The following FCSK variants were observed in gnomAD, a reference collection of about 807,000 sequenced individuals.
The protein encoded by FCSK is L-fucose kinase.
Under a neutral mutation model 122.5 loss-of-function variants are expected in FCSK, and 123 were observed. That is an observed-to-expected ratio of 1.00 (90% CI 0.87 to 1.17). The LOEUF (loss-of-function observed/expected upper bound fraction) is 1.17, where lower values mean the gene tolerates loss of function less well. Ranked by LOEUF, FCSK falls within the 50% of genes most tolerant of loss-of-function variation. The probability of loss-of-function intolerance (pLI) is 0.00; values close to 1 mark genes in which losing one functional copy is unlikely to be tolerated. For missense variants in FCSK, 1,366 were observed against 1,450.4 expected (o/e 0.94, Z 0.95); for synonymous variants, 620 against 625.5 (o/e 0.99, Z 0.13).
At chr16:70,466,975 G>T in intron 6 of FCSK, 21 bp downstream of exon 6, 1 of 1,609,320 alleles carries the variant, frequency 6.2e-7, no homozygotes, top group African/African-American at 1.3e-5. Context: ...GACTACCTGG[G>T]ACTGCCTTCC....
Position 70,466,175 on chromosome 16 carries a change from G to C in FCSK, c.329G>C (p.Cys110Ser), listed in dbSNP as rs1270551958. 2 of 1,613,876 alleles carry C rather than the reference G, an allele frequency of 1.2e-6. No homozygotes were observed. The highest frequency in any genetic ancestry group is 1.7e-6 in the Non-Finnish European group (2 of 1,179,898). ...PFDDCGRAFT[C>S]LPVENPEAPV... ...GATGACTGTGGCAGGGCTTTCACCT[G>C]CCTCCCCGTGGAGAACCCCGAGGCC... The change falls in exon 5 of 24, where the codon TGC becomes TCC. Residue 110 changes from cysteine to serine, a missense_variant. Coordinates refer to ENST00000288078, the MANE Select transcript of FCSK (RefSeq NM_145059.3).
At chr16:70,475,211 T>A in intron 18 of FCSK, 139 bp from the exon 19 acceptor site, 2 of 1,091,400 alleles carry the variant, frequency 1.8e-6, no homozygotes, top group Non-Finnish European at 2.6e-6. Flanking sequence ...CTTTTGTGGC[T>A]TGGGGATGGG....
intron 6 of FCSK, 92 bp downstream of exon 6, chr16:70,467,046 T>G: frequency 8.7e-7 from 1 of 1,150,888 alleles, no homozygotes; most frequent in Non-Finnish European, 1.3e-6. Context: ...CCTCTGGGCC[T>G]GCCCCGCTGC....
chr16:70,472,628 C>T (rs368723137), intron 14 of FCSK, 23 bp downstream of exon 14: 9 of 1,589,434 alleles, frequency 5.7e-6, no homozygotes, highest in Non-Finnish European at 6.9e-6. Flanking sequence ...CCCCTAGGGC[C>T]TCTGTGGGCC....
Position 70,474,279 on chromosome 16 carries a change from G to T in FCSK, c.1928G>T (p.Cys643Phe). Residue 643 changes from cysteine to phenylalanine, a missense_variant, in exon 16 of 24, where the codon TGT becomes TTT. Cys to Phe is a radical substitution (Grantham distance 205, BLOSUM62 -2). Coordinates refer to ENST00000288078, the MANE Select transcript of FCSK (RefSeq NM_145059.3). ...ATGCGGCCCTTCTCATACCTGGAGT[G>T]TGGAGACCTGGCAGCGGGCGTGGAG... ...EWMRPFSYLE[C>F]GDLAAGVEAL... is the part of the protein sequence containing the mutation. The T allele has an allele frequency of 6.2e-7, 1 of 1,613,498 alleles. No homozygotes were observed.
In FCSK at chr16:70,473,416, T is replaced by C; in HGVS notation, c.1777+63T>C. On this transcript the variant is annotated intron_variant, in intron 15 of 23. Transcript: ENST00000288078. The surrounding 1 kb of genome is among the most constrained non-coding windows in gnomAD (Gnocchi z 4.9). ...AGGGGCACCTGCCCTCCCTGTCCTC[T>C]GGGCCATCCCCTGAGGGGACTAGGG... is the stretch of plus-strand genomic sequence containing the variant. The C allele has an allele frequency of 7.0e-7, 1 of 1,435,200 alleles. No homozygotes were observed. The highest frequency in any genetic ancestry group is 9.2e-7 in the Non-Finnish European group (1 of 1,088,750). The allele number at this position is 1,435,200 out of a possible 1,614,324, so 88.9% of individuals were successfully genotyped here. A position where few individuals can be genotyped will look rare whatever the true frequency, so the allele number is the denominator to read the frequency against.
Position 70,479,221 on chromosome 16 carries a change from GAGC to G in FCSK, c.2974_2976del (p.Gln992del). On this transcript the variant is annotated inframe_deletion, in exon 23 of 24. Transcript: ENST00000288078. Reference sequence around the variant, plus strand: ...GGGCCAGTGCCTGACCTCGTACTGGGAGCAGAAGAAGCTCATGGCTCCAGGCTG... The same window carrying G: ...GGGCCAGTGCCTGACCTCGTACTGGGAGAAGAAGCTCATGGCTCCAGGCTG... 1 of 1,613,830 alleles carries G rather than the reference GAGC, an allele frequency of 6.2e-7. No homozygotes were observed. Among genetic ancestry groups the G allele is most frequent in the Non-Finnish European group, 8.5e-7 (1 of 1,180,040 alleles).
intron 1 of FCSK, among the ~76,000 whole-genome samples, chr16:70,460,594 G>A (rs1294871446): frequency 2.6e-5 from 4 of 151,914 alleles, no homozygotes; most frequent in South Asian, 2.1e-4. Context: ...TATTAGAGAC[G>A]GGGTTTCACC....
In FCSK at chr16:70,474,214, TG is replaced by T; in HGVS notation, c.1868del (p.Gly623AlafsTer39). The stretch of plus-strand genomic sequence containing the variant: ...TCCTGGGCTGCATGGCAGAGGGCCG[TG>T]GGGGCTTGCGGAGCGGGCCAGCTGC... ...DVLGCMAEGRGGLRSGPAANP... is the reference protein window; with the variant it reads ...DVLGCMAEGRXGLRSGPAANP... On this transcript the variant is annotated frameshift_variant, in exon 16 of 24. Transcript: ENST00000288078. LOFTEE classifies it high-confidence loss of function. 1 of 1,592,902 alleles carries T rather than the reference TG, an allele frequency of 6.3e-7. No homozygotes were observed. The highest frequency in any genetic ancestry group is 8.5e-7 in the Non-Finnish European group (1 of 1,170,908).
rs547877530 is a variant in FCSK at position 70,475,253 on chromosome 16, G to C, written c.2378-97G>C. On this transcript the variant is annotated intron_variant, in intron 18 of 23. Transcript: ENST00000288078. ...ACTGCTGCTGGGCTTTTGTCCCACC[G>C]GATGAGTCCCGCACTGGGCTGGGAA... 1.8e-5 allele frequency: 26 copies of C among 1,430,020 alleles called. No individual in the cohort carries two copies. The East Asian group carries it at 5.4e-4, about 30-fold the overall frequency. 88.6% of individuals were successfully genotyped at this position (1,430,020 alleles called of 1,614,324 possible). A position where few individuals can be genotyped will look rare whatever the true frequency, so the allele number is the denominator to read the frequency against.
chr16:70,478,305 T>G lies in FCSK; in HGVS notation c.2675T>G (p.Met892Arg). 6.2e-7 allele frequency: 1 copy of G among 1,614,164 alleles called. No homozygotes were observed. Residue 892 changes from methionine (M) to arginine (R), a missense_variant, in exon 21 of 24, where the codon ATG (methionine) becomes AGG (arginine). By Grantham distance (91) the Met-to-Arg change is moderately conservative. Transcript: ENST00000288078. ...GGWQDQVGGLMPGIKVGRSRA... is the reference protein window; with the variant it reads ...GGWQDQVGGLRPGIKVGRSRA... ...TGGCAGGACCAAGTAGGTGGCCTAA[T>G]GCCTGGCATCAAGGTGGGGCGCTCC...
intron 16 of FCSK, 58 bp from the exon 17 acceptor site, chr16:70,474,470 G>A (rs1390125671): frequency 1.3e-6 from 2 of 1,546,444 alleles, no homozygotes; most frequent in African/African-American, 1.4e-5. Context: ...CCCAAAGCCA[G>A]GCAATCTGCC....
At chr16:70,467,750 C>T (rs1353222086) in intron 7 of FCSK, 136 bp from the exon 8 acceptor site, 1 of 737,382 alleles carries the variant, frequency 1.4e-6, no homozygotes, top group East Asian at 2.6e-5. Flanking sequence ...CAGGCCCCCC[C>T]TGAGAATGCC....
chr16:70,466,094 G>C, intron 4 of FCSK, 38 bp from the exon 5 acceptor site: 1 of 1,607,076 alleles, frequency 6.2e-7, no homozygotes, highest in South Asian at 1.1e-5. Flanking sequence ...CTTGGGCTCT[G>C]TGCACTGAGG....
intron 1 of FCSK, among the ~76,000 whole-genome samples, chr16:70,459,774 C>T (rs1450256844): frequency 1.4e-5 from 2 of 148,124 alleles, no homozygotes; most frequent in Admixed American, 1.4e-4. Flanking sequence ...GAATTATAGA[C>T]ATGAGCCACC....
chr16:70,464,379 C>T (rs143624044), intron 3 of FCSK, among the ~76,000 whole-genome samples: 13 of 152,276 alleles, frequency 8.5e-5, no homozygotes, highest in Admixed American at 7.2e-4. Context: ...AGGCCGGGCG[C>T]GGTGGCTCAT....
chr16:70,473,226 C>T lies in FCSK; in HGVS notation c.1650C>T (p.Phe550=), dbSNP rs1045656743. Residue 550 remains phenylalanine (F), a synonymous_variant, in exon 15 of 24, where the codon TTC becomes TTT. Transcript: ENST00000288078. This position sits in a 1 kb window ranked among gnomAD's most constrained non-coding sequence, Gnocchi z 4.9. ...CGCTGGCCTCTCGCCGGGACCTGTT[C>T]TTCCGCCAGGCCCTGCATAAGGCGC... The part of the protein sequence containing the change: ...AATLASRRDL[F]FRQALHKARH... 2 of 1,535,700 alleles carry T rather than the reference C, an allele frequency of 1.3e-6. No individual in the cohort carries two copies. Among genetic ancestry groups the T allele is most frequent in the Non-Finnish European group, 1.7e-6 (2 of 1,145,854 alleles).
chr16:70,459,181 C>A (rs1438156789), intron 1 of FCSK, among the ~76,000 whole-genome samples: 3 of 150,280 alleles, frequency 2.0e-5, no homozygotes, highest in African/African-American at 4.9e-5. Context: ...TATGATTGCA[C>A]CACTACACTC....
intron 10 of FCSK, 21 bp downstream of exon 10, chr16:70,469,344 C>G: frequency 2.6e-6 from 4 of 1,565,284 alleles, no homozygotes; most frequent in Non-Finnish European, 2.6e-6. Flanking sequence ...CCTCTCAGCT[C>G]CCTGGGGTGG....
Sources: allele counts gnomAD v4.1 joint callset (sites outside exome capture counted in the v4.1 genomes callset), GRCh38; gene constraint gnomAD v4.1.1; non-coding constraint Gnocchi (gnomAD v3.1); transcripts MANE v1.5; gene names NCBI Gene and HGNC (gene_info 2026-07-23, HGNC 2026-07-21).